Variants in LGALS4 observed in about 807,000 individuals in gnomAD.
LGALS4 encodes galectin-4.
A neutral mutation model predicts 39.6 loss-of-function variants in LGALS4; 37 were observed. The observed-to-expected ratio is 0.93, with a 90% CI of 0.72 to 1.23. The LOEUF is 1.23. LGALS4 is among the 50% of genes most tolerant of loss of function. The pLI, the probability that LGALS4 is intolerant of heterozygous loss-of-function variation, is 0.00. For missense variants in LGALS4, 397 were observed against 433.2 expected (o/e 0.92, Z 0.74); for synonymous variants, 160 against 165.5 (o/e 0.97, Z 0.25).
chr19:38,807,221 A>T (rs1446528791), intron 3 of LGALS4, among the ~76,000 whole-genome samples: 3 of 152,072 alleles, frequency 2.0e-5, no homozygotes, highest in Non-Finnish European at 4.4e-5. Context: ...TACAAAAATT[A>T]GCCGGGCGTG....
At chr19:38,809,173 CTTTTTTTT>C (rs34677297) in intron 2 of LGALS4, among the ~76,000 whole-genome samples, 1 of 104,896 alleles carries the variant, frequency 9.5e-6, no homozygotes, top group Non-Finnish European at 1.9e-5. Context: ...GCCTTTCCTT[CTTTTTTTT>C]TTTTTTTTTT....
Sources: allele counts gnomAD v4.1 joint callset (sites outside exome capture counted in the v4.1 genomes callset), GRCh38; gene constraint gnomAD v4.1.1; transcripts MANE v1.5; gene names NCBI Gene and HGNC (gene_info 2026-07-23, HGNC 2026-07-21).